Variants in COL4A2 observed in about 807,000 individuals in gnomAD.
The protein encoded by COL4A2 is collagen type IV alpha 2 chain.
A neutral mutation model predicts 200.2 loss-of-function variants in COL4A2; 99 were observed. The observed-to-expected ratio is 0.49, with a 90% CI of 0.42 to 0.58. The LOEUF is 0.58. Among genes scored for constraint, COL4A2 ranks in the 20% least tolerant of loss-of-function variants. COL4A2 has a pLI of 0.00. For missense variants in COL4A2, 1,950 were observed against 2,314.1 expected (o/e 0.84, Z 3.23); for synonymous variants, 897 against 900.6 (o/e 1.00, Z 0.07).
intron 4 of COL4A2, among the ~76,000 whole-genome samples, chr13:110,420,780 T>C (rs899343760): frequency 1.3e-5 from 2 of 152,176 alleles, no homozygotes; most frequent in African/African-American, 4.8e-5. Flanking sequence ...ACTTCCTTAG[T>C]GGGCAGGAAA....
intron 4 of COL4A2, among the ~76,000 whole-genome samples, chr13:110,358,183 TG>T (rs1317810351): frequency 5.3e-5 from 8 of 152,360 alleles, no homozygotes; most frequent in Middle Eastern, 3.4e-3. Flanking sequence ...TTTTATTCGA[TG>T]TTTTTTTCTA....
At position 110,430,444 on chromosome 13, in the gene COL4A2, T is replaced by C; in HGVS notation, c.585+8T>C. On this transcript the variant is annotated splice_region_variant and intron_variant, in intron 9 of 47. Transcript: ENST00000360467. ...GGATTGGTCGGTTTCCAGGTAAGTTTATTTTTATTGGACGATATTCCAAAC... is the reference window on the plus strand; with the variant it reads ...GGATTGGTCGGTTTCCAGGTAAGTTCATTTTTATTGGACGATATTCCAAAC... 1 of 1,614,194 alleles carries C rather than the reference T, an allele frequency of 6.2e-7. No homozygotes were observed. The highest frequency in any genetic ancestry group is 8.5e-7 in the Non-Finnish European group (1 of 1,180,034).
chr13:110,457,259 G>A (rs577913297), intron 20 of COL4A2, 84 bp from the exon 21 acceptor site: 35 of 627,172 alleles, frequency 5.6e-5, no homozygotes, highest in African/African-American at 4.3e-4. Context: ...GACCCCAGGC[G>A]TCCGTGGGGC....
intron 4 of COL4A2, among the ~76,000 whole-genome samples, chr13:110,403,769 C>A (rs928624846): frequency 6.6e-6 from 1 of 152,212 alleles, no homozygotes; most frequent in South Asian, 2.1e-4. Context: ...GTTACCCCAG[C>A]ATCCCACTTT....
chr13:110,488,541 A>C (rs183156175), intron 34 of COL4A2, among the ~76,000 whole-genome samples: 187 of 152,278 alleles, frequency 1.2e-3, no homozygotes, highest in Middle Eastern at 3.4e-3. Context: ...TTTCTGGAGA[A>C]GTCTCCCTCT....
chr13:110,417,129 C>T (rs1365222786), intron 4 of COL4A2, among the ~76,000 whole-genome samples: 1 of 152,164 alleles, frequency 6.6e-6, no homozygotes, highest in African/African-American at 2.4e-5. Context: ...TACAGGAGCC[C>T]ACCACCACGC....
At chr13:110,318,854 A>T (rs1885210518) in intron 3 of COL4A2, among the ~76,000 whole-genome samples, 1 of 152,066 alleles carries the variant, frequency 6.6e-6, no homozygotes, top group African/African-American at 2.4e-5. Flanking sequence ...ACAGAGAGTG[A>T]AGTTCAAGTT....
intron 4 of COL4A2, among the ~76,000 whole-genome samples, chr13:110,380,853 A>G (rs1000071710): frequency 2.8e-5 from 4 of 142,442 alleles, no homozygotes; most frequent in African/African-American, 5.3e-5. Flanking sequence ...ACAGAGCTCT[A>G]TCTCACACCC....
In COL4A2 at chr13:110,505,133, A is replaced by C. The variant is rs113771884; in HGVS notation, c.4402+869A>C. Among the ~76,000 whole-genome samples the C allele has an allele frequency of 3.2e-4, 48 of 150,942 alleles. No homozygotes were observed. The East Asian group carries it at 4.7e-3, about 15-fold the overall frequency. On this transcript the variant is annotated intron_variant, in intron 45 of 47. Transcript: ENST00000360467. ...TGGGAGGCTGAGGTGGGCGGATCAC[A>C]AGGGCAGGAGATCGAGACCATCCTG... is the stretch of plus-strand genomic sequence containing the variant.
chr13:110,332,467 A>C (rs1220682246), intron 3 of COL4A2, among the ~76,000 whole-genome samples: 1 of 152,198 alleles, frequency 6.6e-6, no homozygotes, highest in Admixed American at 6.5e-5. Context: ...CAGCAACACA[A>C]GTTCGTTCTC....
intron 35 of COL4A2, 87 bp from the exon 36 acceptor site, chr13:110,489,624 T>C (rs1033100845): frequency 6.3e-7 from 1 of 1,593,482 alleles, no homozygotes; most frequent in Non-Finnish European, 8.6e-7. Flanking sequence ...ATTATTCTTG[T>C]TAGGAATATA....
At chr13:110,362,093 G>A (rs1317330632) in intron 4 of COL4A2, among the ~76,000 whole-genome samples, 1 of 152,210 alleles carries the variant, frequency 6.6e-6, no homozygotes, top group Admixed American at 6.5e-5. Flanking sequence ...GGGATGCAGG[G>A]AAGAACATAG....
chr13:110,371,506 T>G (rs1430963493), intron 4 of COL4A2, among the ~76,000 whole-genome samples: 2 of 152,224 alleles, frequency 1.3e-5, no homozygotes, highest in Non-Finnish European at 2.9e-5. Context: ...TTTAGTTATT[T>G]TTAGCACTTA....
intron 4 of COL4A2, among the ~76,000 whole-genome samples, chr13:110,393,092 C>T (rs895005659): frequency 6.6e-5 from 10 of 152,214 alleles, no homozygotes; most frequent in African/African-American, 1.7e-4. Context: ...GATTGGCCCA[C>T]GGTGGTGCTG....
At chr13:110,453,515 GA>G (rs915650508) in intron 20 of COL4A2, among the ~76,000 whole-genome samples, 16 of 150,998 alleles carry the variant, frequency 1.1e-4, no homozygotes, top group East Asian at 7.8e-4. Context: ...TTAAAAAAAG[GA>G]AAAAAAAATC....
At chr13:110,417,255 C>G (rs905834546) in intron 4 of COL4A2, among the ~76,000 whole-genome samples, 3 of 152,210 alleles carry the variant, frequency 2.0e-5, no homozygotes, top group Non-Finnish European at 2.9e-5. Context: ...CCGCCCAGCC[C>G]CTGGCAGACA....
chr13:110,334,118 C>T (rs1258329113), intron 3 of COL4A2, among the ~76,000 whole-genome samples: 2 of 152,212 alleles, frequency 1.3e-5, no homozygotes, highest in African/African-American at 2.4e-5. Flanking sequence ...TGCCTAGACA[C>T]GGCCTGAACA....
At position 110,511,922 on chromosome 13, in the gene COL4A2, C is replaced by G; in HGVS notation, c.4882-12C>G. On this transcript the variant is annotated splice_polypyrimidine_tract_variant and intron_variant, in intron 47 of 47. Transcript: ENST00000360467. ...TGATTCCTAACCCTGTCCTGCCCCC[C>G]TCTCTGTGCAGCACACGGCGGCGGG... The G allele has an allele frequency of 2.5e-6, 4 of 1,613,360 alleles. No individual in the cohort carries two copies. The highest frequency in any genetic ancestry group is 3.4e-6 in the Non-Finnish European group (4 of 1,179,982).
At chr13:110,351,048 A>AT (rs1675095875) in intron 3 of COL4A2, among the ~76,000 whole-genome samples, 1 of 150,304 alleles carries the variant, frequency 6.7e-6, no homozygotes, top group Admixed American at 6.6e-5. Flanking sequence ...TTCTTTCTTT[A>AT]TTTTTATTTT....
Sources: allele counts gnomAD v4.1 joint callset (sites outside exome capture counted in the v4.1 genomes callset), GRCh38; gene constraint gnomAD v4.1.1; transcripts MANE v1.5; gene names NCBI Gene and HGNC (gene_info 2026-07-23, HGNC 2026-07-21).